The following NBPF10 variants were observed in gnomAD, a reference collection of about 807,000 sequenced individuals.
The protein encoded by NBPF10 is NBPF family member NBPF10.
A neutral mutation model predicts 77.9 loss-of-function variants in NBPF10; 63 were observed. That is an observed-to-expected ratio of 0.81 (90% confidence interval 0.66 to 1.00). NBPF10 has a LOEUF of 1.00. NBPF10 is among the 50% of genes least tolerant of loss of function. The pLI is 0.00. For synonymous variants in NBPF10, 146 were observed against 264.5 expected (o/e 0.55, Z 4.35); for missense variants, 522 against 679.8 (o/e 0.77, Z 2.58).
chr1:146,069,630 G>C (rs4126496), exon 86 of NBPF10: 465,303 of 1,422,630 alleles, frequency 0.33, 98,166 homozygotes, highest in Non-Finnish European at 0.36. Context: ...CACAGTTCAA[G>C]ACAACCTGAA....
intron 5 of NBPF10, among the ~76,000 whole-genome samples, chr1:146,139,361 G>A (rs1158563888): frequency 5.3e-5 from 8 of 151,672 alleles, no homozygotes; most frequent in South Asian, 2.1e-4. Context: ...CACCCGCCTC[G>A]GCCTCCCAAA....
At chr1:146,125,975 A>G (rs1571188806) in intron 14 of NBPF10, among the ~76,000 whole-genome samples, 1 of 151,806 alleles carries the variant, frequency 6.6e-6, no homozygotes, top group African/African-American at 2.4e-5. Context: ...AATTTGTCAT[A>G]TCTGCCCAGA....
chr1:146,126,378 C>T (rs1658655510), exon 14 of NBPF10: 4 of 1,368,156 alleles, frequency 2.9e-6, no homozygotes, highest in Admixed American at 1.7e-5. Flanking sequence ...AGACTTCAGG[C>T]CCTTTCTCAT....
chr1:146,073,100 GGAGA>G (rs1655820057), intron 81 of NBPF10, among the ~76,000 whole-genome samples, 199 bp from the exon 82 acceptor site: 1 of 72,686 alleles, frequency 1.4e-5, no homozygotes, highest in Admixed American at 1.5e-4. Context: ...ACAGGGAGAG[GGAGA>G]GAGAGAGAGG....
exon 19 of NBPF10, chr1:146,122,386 C>T: frequency 1.3e-4 from 15 of 116,308 alleles, no homozygotes; most frequent in South Asian, 5.6e-4. Flanking sequence ...CCCTTCTTTT[C>T]AATTTCTGCA....
intron 17 of NBPF10, among the ~76,000 whole-genome samples, chr1:146,123,555 G>C (rs1166054621): frequency 3.7e-4 from 38 of 102,788 alleles, no homozygotes; most frequent in African/African-American, 1.8e-3. Context: ...TCAGTGAATT[G>C]TCCAGGTGAC....
At chr1:146,125,813 C>G (rs1216556135) in intron 14 of NBPF10, among the ~76,000 whole-genome samples, 1 of 148,800 alleles carries the variant, frequency 6.7e-6, no homozygotes, top group Admixed American at 6.7e-5. Flanking sequence ...CAAATGCCCC[C>G]AAATGGTTGC....
At chr1:146,076,174 T>C (rs1656022396) in intron 77 of NBPF10, 133 bp from the exon 78 acceptor site, 1 of 2,682 alleles carries the variant, frequency 3.7e-4, no homozygotes, top group African/African-American at 8.6e-4. Context: ...AGGTAACAAA[T>C]TATTGCCTTC....
chr1:146,067,331 C>G, intron 88 of NBPF10, 43 bp from the exon 89 acceptor site: 1 of 464,908 alleles, frequency 2.2e-6, no homozygotes, highest in East Asian at 3.7e-5. Flanking sequence ...AAGCTGATTC[C>G]CCTACACACA....
chr1:146,067,501 T>A (rs587629325), intron 88 of NBPF10, among the ~76,000 whole-genome samples: 5 of 146,330 alleles, frequency 3.4e-5, no homozygotes, highest in African/African-American at 1.3e-4. Flanking sequence ...CCTATTCTAG[T>A]AGATCGTTAT....
chr1:146,069,697 C>T, exon 86 of NBPF10: 7 of 817,970 alleles, frequency 8.6e-6, no homozygotes, highest in Non-Finnish European at 1.5e-5. Context: ...CTTTCTCATC[C>T]AGCAGCTCCC....
intron 1 of NBPF10, among the ~76,000 whole-genome samples, chr1:146,143,867 AG>A (rs1293514930): frequency 2.2e-4 from 32 of 147,598 alleles, no homozygotes; most frequent in Non-Finnish European, 3.9e-4. Flanking sequence ...CTTCTGCCTC[AG>A]CCTCCCGATT....
Position 146,122,531 on chromosome 1 carries a change from C to A in NBPF10, c.2477-140G>T. The A allele has an allele frequency of 2.9e-5, 2 of 68,152 alleles. 1 individual carries two copies. The highest frequency in any genetic ancestry group is 2.1e-4 in the South Asian group (2 of 9,548). The allele number at this position is 68,152 out of a possible 1,614,324, so 4.2% of individuals were successfully genotyped here. A position where few individuals can be genotyped will look rare whatever the true frequency, so the allele number is the denominator to read the frequency against. On this transcript the variant is annotated intron_variant, in intron 18 of 89. Coordinates refer to ENST00000583866, the Ensembl canonical transcript of NBPF10. ...ACTGTGAGAGATATATTTCAGGAGG[C>A]CTGAAGGCTGGTCATGATAGAAATT...
exon 24 of NBPF10, chr1:146,118,461 A>T (rs1322988037): frequency 1.7e-5 from 1 of 60,078 alleles, no homozygotes; most frequent in Non-Finnish European, 3.3e-5. Context: ...GTTCAAGACA[A>T]CTGGAAGGAG....
intron 86 of NBPF10, among the ~76,000 whole-genome samples, chr1:146,069,262 G>C (rs1655537577): frequency 1.1e-5 from 1 of 87,730 alleles, no homozygotes; most frequent in South Asian, 3.0e-4. Context: ...GACAAAATCA[G>C]AGTTGTGTGA....
rs140256918 is a variant in NBPF10, at chr1:146,141,724, C to G, written c.373G>C (p.Glu125Gln). The G allele has an allele frequency of 0.011, 14,500 of 1,300,338 alleles. 1,616 individuals carry two copies. Among genetic ancestry groups the G allele is most frequent in the Middle Eastern group, 0.032 (132 of 4,080 alleles). The allele number at this position is 1,300,338 out of a possible 1,614,324, so 80.6% of individuals were successfully genotyped here. ...GGAGTGAGGAGGGCCTGGAGATGCT[C>G]ATACAATGAGCGGGAGGCATCTCTC... Residue 125 changes from glutamate (E) to glutamine (Q), a missense_variant, in exon 3 of 90, where the codon GAG becomes CAG. By Grantham distance (29) the Glu-to-Gln change is conservative (BLOSUM62 2). Transcript: ENST00000583866.
At position 146,141,772 on chromosome 1, in the gene NBPF10, G is replaced by A. The variant is rs4996269; in HGVS notation, c.325C>T (p.Leu109=). The A allele has an allele frequency of 7.6e-5, 102 of 1,343,410 alleles. 26 individuals are homozygous for A. Among genetic ancestry groups the A allele is most frequent in the South Asian group, 2.4e-4 (18 of 74,448 alleles). 83.2% of individuals were successfully genotyped at this position (1,343,410 alleles called of 1,614,324 possible). A position where few individuals can be genotyped will look rare whatever the true frequency, so the allele number is the denominator to read the frequency against. The change falls in exon 3 of 90, where the codon CTA becomes TTA. Residue 109 remains leucine (L), a synonymous_variant. Coordinates refer to ENST00000583866, the Ensembl canonical transcript of NBPF10. ...CTCCCTTCCCGTAACTTCTCCCTTA[G>A]CTGGGTCAGCTCTCGTTCCTGAGAG...
At chr1:146,134,257 T>C (rs1559348548) in exon 9 of NBPF10, 1 of 1,602,996 alleles carries the variant, frequency 6.2e-7, no homozygotes, top group Non-Finnish European at 8.5e-7. Flanking sequence ...TCGTCATCGT[T>C]GTCATTTTCT....
chr1:146,140,002 T>A, exon 5 of NBPF10: 1 of 732,592 alleles, frequency 1.4e-6, no homozygotes. Context: ...CTTTGCTCTC[T>A]TCAGCCTTCT....
Sources: gnomAD v4.1 joint callset for allele counts (sites outside exome capture counted in the v4.1 genomes callset) on GRCh38, gnomAD v4.1.1 for gene constraint, MANE v1.5 for transcripts, NCBI Gene and HGNC (gene_info 2026-07-23, HGNC 2026-07-21) for gene names.